Variants in SGPP1 observed in about 807,000 individuals in gnomAD.
The protein encoded by SGPP1 is hSPP1.
SGPP1 carries 21 observed loss-of-function variants against 33.0 expected under a neutral mutation model. That is an observed-to-expected ratio of 0.64 (90% CI 0.45 to 0.92). The LOEUF is 0.92. Among genes scored for constraint, SGPP1 ranks in the 40% least tolerant of loss-of-function variants. The pLI is 0.00. For missense variants in SGPP1, 543 were observed against 589.4 expected, an observed-to-expected ratio of 0.92 and a Z score of 0.81; for synonymous variants, 239 against 241.2, an observed-to-expected ratio of 0.99 and a Z score of 0.08.
At chr14:63,718,429 A>C (rs1051096833) in intron 1 of SGPP1, among the ~76,000 whole-genome samples, 4 of 152,178 alleles carry the variant, frequency 2.6e-5, no homozygotes, top group Admixed American at 2.6e-4. Context: ...AGTAGAAAAA[A>C]TGTGAAAAGA....
rs73263699 is a variant in SGPP1 at position 63,692,412 on chromosome 14, A to G, written c.775-5756T>C. On this transcript the variant is annotated intron_variant, in intron 2 of 2. Coordinates refer to ENST00000247225, the MANE Select transcript of SGPP1 (RefSeq NM_030791.4). ...TAAAAATTAACATTTTGAGAATCAG[A>G]AATTAAATATTGGGAGTGAAGAGAA... Among the ~76,000 whole-genome samples the G allele has an allele frequency of 7.2e-3, 1,102 of 152,314 alleles. 14 individuals carry two copies. The highest frequency in any genetic ancestry group is 0.03 in the South Asian group (143 of 4,824).
intron 1 of SGPP1, among the ~76,000 whole-genome samples, chr14:63,713,490 A>G (rs769690430): frequency 9.2e-5 from 14 of 152,216 alleles, no homozygotes; most frequent in Non-Finnish European, 1.8e-4. Context: ...TAAACGGTCT[A>G]TGTCAGAACT....
chr14:63,714,978 C>A (rs141309734), intron 1 of SGPP1, among the ~76,000 whole-genome samples: 2 of 150,142 alleles, frequency 1.3e-5, no homozygotes, highest in African/African-American at 2.5e-5. Flanking sequence ...CTGCCTCAGC[C>A]TCCTAAAGTG....
rs932410530 is a variant in SGPP1 at position 63,685,744 on chromosome 14, A to T, written c.*361T>A. 1.3e-5 allele frequency: 2 copies of T among 150,100 alleles called. No homozygotes were observed. Among genetic ancestry groups the T allele is most frequent in the Non-Finnish European group, 3.0e-5 (2 of 67,558 alleles). The allele number at this position is 150,100 out of a possible 1,614,324, so 9.3% of individuals were successfully genotyped here. A position where few individuals can be genotyped will look rare whatever the true frequency, so the allele number is the denominator to read the frequency against. ...TATTGATTTTATAATACACTCCCAT[A>T]GTTTAAAAAAACACTTAGGTATATT... is the stretch of plus-strand genomic sequence containing the variant. On this transcript the variant is annotated 3_prime_UTR_variant, in exon 3 of 3. Transcript: ENST00000247225.
At chr14:63,713,820 G>A (rs754345711) in intron 1 of SGPP1, among the ~76,000 whole-genome samples, 2 of 152,196 alleles carry the variant, frequency 1.3e-5, no homozygotes, top group African/African-American at 2.4e-5. Context: ...AGCTTGACTG[G>A]ATTAAGAAAT....
intron 1 of SGPP1, among the ~76,000 whole-genome samples, chr14:63,718,977 CATATATAT>C (rs1221455081): frequency 0.057 from 1,536 of 26,876 alleles, 73 homozygotes; most frequent in African/African-American, 0.081. Flanking sequence ...TATGTATATA[CATATATAT>C]ATATATATAT....
In SGPP1 at chr14:63,727,567, C is replaced by T. The variant is rs772171786; in HGVS notation, c.378G>A (p.Trp126Ter). The change falls in exon 1 of 3, where the codon TGG becomes TGA. Residue 126 changes from tryptophan to a stop codon, truncating the protein, a stop_gained. Coordinates refer to ENST00000247225, the MANE Select transcript of SGPP1 (RefSeq NM_030791.4). LOFTEE classifies it high-confidence loss of function. Reference sequence around the variant, plus strand: ...CGAAGCAGAACAGGCAGTAGAGCGGCCAGTTGCTCACGCGGGCCAGCTGGC... The same window carrying T: ...CGAAGCAGAACAGGCAGTAGAGCGGTCAGTTGCTCACGCGGGCCAGCTGGC... ...EEGQLARVSN[W>*]PLYCLFCFGT... 3.1e-6 allele frequency: 5 copies of T among 1,603,260 alleles called. No homozygotes were observed. Among genetic ancestry groups the T allele is most frequent in the Non-Finnish European group, 4.3e-6 (5 of 1,175,860 alleles).
intron 2 of SGPP1, among the ~76,000 whole-genome samples, chr14:63,690,445 C>A (rs930847427): frequency 6.6e-6 from 1 of 152,068 alleles, no homozygotes; most frequent in Admixed American, 6.5e-5. Flanking sequence ...AACTCCAAAT[C>A]GGAACACTTT....
At chr14:63,702,898 A>G (rs1885329122) in intron 1 of SGPP1, among the ~76,000 whole-genome samples, 1 of 152,188 alleles carries the variant, frequency 6.6e-6, no homozygotes, top group South Asian at 2.1e-4. Flanking sequence ...TAACAGATAA[A>G]GTGATATTTT....
chr14:63,724,991 G>A (rs1312464908), intron 1 of SGPP1, among the ~76,000 whole-genome samples: 4 of 146,860 alleles, frequency 2.7e-5, no homozygotes, highest in Non-Finnish European at 4.5e-5. Context: ...GACTCTTAGG[G>A]AAAAAAAAAA....
Position 63,728,062 on chromosome 14 carries a change from T to C in SGPP1, c.-118A>G. On this transcript the variant is annotated 5_prime_UTR_variant, in exon 1 of 3. Coordinates refer to ENST00000247225, the MANE Select transcript of SGPP1 (RefSeq NM_030791.4). The stretch of plus-strand genomic sequence containing the variant: ...GCTCTACCCTCCGGAGTCTGCCGGG[T>C]GACGGCGCCACAGGCCGCGCGCCCC... The C allele has an allele frequency of 9.0e-7, 1 of 1,105,690 alleles. No homozygotes were observed. The highest frequency in any genetic ancestry group is 1.1e-6 in the Non-Finnish European group (1 of 876,552). The allele number at this position is 1,105,690 out of a possible 1,614,324, so 68.5% of individuals were successfully genotyped here.
At chr14:63,690,384 T>C (rs1238317511) in intron 2 of SGPP1, among the ~76,000 whole-genome samples, 3 of 152,218 alleles carry the variant, frequency 2.0e-5, no homozygotes, top group Non-Finnish European at 4.4e-5. Context: ...TGTCATGAAA[T>C]GACAGGGTCC....
rs1293223691 is a variant in SGPP1 at position 63,718,938 on chromosome 14, G to C, written c.684+8323C>G. ...CAATGTTAAAATTACTTTGTCATCT[G>C]TAAAATTAGGATAGTAAAAATTCAT... On this transcript the variant is annotated intron_variant, in intron 1 of 2. Coordinates refer to ENST00000247225, the MANE Select transcript of SGPP1 (RefSeq NM_030791.4). Among the ~76,000 whole-genome samples the C allele has an allele frequency of 3.5e-5, 4 of 113,978 alleles. No homozygotes were observed. The Admixed American group carries it at 4.6e-4, about 13-fold the overall frequency. 74.8% of individuals were successfully genotyped at this position (113,978 alleles called of 152,430 possible).
intron 2 of SGPP1, among the ~76,000 whole-genome samples, chr14:63,694,188 C>A (rs1192640417): frequency 1.3e-5 from 2 of 151,606 alleles, no homozygotes; most frequent in Admixed American, 6.6e-5. Flanking sequence ...GTGGGAAGAT[C>A]GCTTGAGTCC....
rs760998107 is a variant in SGPP1 at position 63,694,130 on chromosome 14, T to C, written c.774+4439A>G. 4.0e-5 allele frequency among the ~76,000 whole-genome samples: 6 copies of C among 150,966 alleles called. No individual in the cohort carries two copies. The South Asian group carries it at 8.4e-4, about 21-fold the overall frequency. Reference sequence around the variant, plus strand: ...CCCTGTCTCTTCCAAAAAGAAAAAATAGAAAAATCAGCAGGGCATGGTGGT... The same window carrying C: ...CCCTGTCTCTTCCAAAAAGAAAAAACAGAAAAATCAGCAGGGCATGGTGGT... On this transcript the variant is annotated intron_variant, in intron 2 of 2. Transcript: ENST00000247225.
Position 63,725,234 on chromosome 14 carries a change from G to C in SGPP1, c.684+2027C>G, listed in dbSNP as rs113812410. Among the ~76,000 whole-genome samples the C allele has an allele frequency of 5.7e-4, 87 of 152,232 alleles. 1 individual carries two copies. The highest frequency in any genetic ancestry group is 2.0e-3 in the African/African-American group (83 of 41,544). ...CTAAAAATCCTTAAAAAATTAGCTG[G>C]TGTGGTGGTAGGCGCCTGTAATCCC... On this transcript the variant is annotated intron_variant, in intron 1 of 2. Transcript: ENST00000247225.
At chr14:63,689,383 C>A (rs547832861) in intron 2 of SGPP1, among the ~76,000 whole-genome samples, 1 of 152,116 alleles carries the variant, frequency 6.6e-6, no homozygotes, top group Non-Finnish European at 1.5e-5. Flanking sequence ...AACTCCTGGG[C>A]TCAAGTGATC....
chr14:63,719,842 C>T (rs1287921301), intron 1 of SGPP1, among the ~76,000 whole-genome samples: 2 of 150,858 alleles, frequency 1.3e-5, no homozygotes, highest in South Asian at 2.1e-4. Context: ...AGGCCAGGCA[C>T]GGTGGCTCAT....
chr14:63,690,013 T>G (rs1343286056), intron 2 of SGPP1, among the ~76,000 whole-genome samples: 1 of 152,180 alleles, frequency 6.6e-6, no homozygotes, highest in Non-Finnish European at 1.5e-5. Flanking sequence ...AAGCTGTTTT[T>G]GGGTTTTGGA....
Sources: gnomAD v4.1 joint callset for allele counts (sites outside exome capture counted in the v4.1 genomes callset) on GRCh38, gnomAD v4.1.1 for gene constraint, MANE v1.5 for transcripts, NCBI Gene and HGNC (gene_info 2026-07-23, HGNC 2026-07-21) for gene names.